PPP1R16B: variants seen among roughly 807,000 people sequenced by gnomAD.
PPP1R16B encodes protein phosphatase 1 regulatory inhibitor subunit 16B.
A neutral mutation model predicts 61.7 loss-of-function variants in PPP1R16B; 14 were observed. The observed-to-expected ratio is 0.23, with a 90% CI of 0.15 to 0.35. The LOEUF (loss-of-function observed/expected upper bound fraction) is 0.35, where lower values mean the gene tolerates loss of function less well. Among genes scored for constraint, PPP1R16B ranks in the 10% least tolerant of loss-of-function variants. The pLI is 1.00. For missense variants in PPP1R16B, 547 were observed against 752.5 expected (o/e 0.73, Z 3.19); for synonymous variants, 266 against 305.3 (o/e 0.87, Z 1.34).
chr20:38,857,551 CTAAT>C (rs1174612882), intron 2 of PPP1R16B, among the ~76,000 whole-genome samples: 1 of 152,102 alleles, frequency 6.6e-6, no homozygotes, highest in Non-Finnish European at 1.5e-5. Context: ...AGGTTAAGCA[CTAAT>C]TAATGGAAGG....
Position 38,874,532 on chromosome 20 carries a change from G to A in PPP1R16B, c.251-15063G>A, listed in dbSNP as rs767280382. 1.3e-4 allele frequency among the ~76,000 whole-genome samples: 20 copies of A among 152,194 alleles called. 1 individual carries two copies. The highest frequency in any genetic ancestry group is 2.5e-4 in the Non-Finnish European group (17 of 68,040). On this transcript the variant is annotated intron_variant, in intron 2 of 10. Coordinates refer to ENST00000299824, the MANE Select transcript of PPP1R16B (RefSeq NM_015568.4). ...CTGAATTCTGAACCACTACACGTGT[G>A]TCTTCATACCAGGTGCAATGCTTAG...
chr20:38,888,633 C>G (rs186165530), intron 2 of PPP1R16B, among the ~76,000 whole-genome samples: 147 of 152,180 alleles, frequency 9.7e-4, no homozygotes, highest in African/African-American at 3.4e-3. Flanking sequence ...ATCACCCTGC[C>G]AAAGCCAGAG....
At chr20:38,842,994 G>A (rs949621762) in intron 2 of PPP1R16B, among the ~76,000 whole-genome samples, 2 of 152,168 alleles carry the variant, frequency 1.3e-5, no homozygotes, top group Non-Finnish European at 2.9e-5. Flanking sequence ...GGAAACAAAT[G>A]GTGATTTTAT....
chr20:38,910,866 G>C (rs941442394), intron 10 of PPP1R16B, among the ~76,000 whole-genome samples: 1 of 151,938 alleles, frequency 6.6e-6, no homozygotes, highest in African/African-American at 2.4e-5. Context: ...ATGGTGGCAC[G>C]CGTCTGTAGT....
At chr20:38,858,740 G>C (rs1430530819) in intron 2 of PPP1R16B, among the ~76,000 whole-genome samples, 1 of 152,160 alleles carries the variant, frequency 6.6e-6, no homozygotes, top group Non-Finnish European at 1.5e-5. Flanking sequence ...AAGCAAGTAG[G>C]GATGTAGAAG....
At chr20:38,860,072 C>G (rs1365235311) in intron 2 of PPP1R16B, among the ~76,000 whole-genome samples, 1 of 152,198 alleles carries the variant, frequency 6.6e-6, no homozygotes, top group Non-Finnish European at 1.5e-5. Context: ...CTTCCGAGTT[C>G]AAGTGACTCT....
At chr20:38,833,988 T>C (rs977998536) in intron 1 of PPP1R16B, among the ~76,000 whole-genome samples, 1 of 152,176 alleles carries the variant, frequency 6.6e-6, no homozygotes, top group Non-Finnish European at 1.5e-5. Flanking sequence ...CAATACTCTT[T>C]GAGACAGTGG....
At chr20:38,847,069 G>A (rs2084940114) in intron 2 of PPP1R16B, among the ~76,000 whole-genome samples, 1 of 152,158 alleles carries the variant, frequency 6.6e-6, no homozygotes, top group Non-Finnish European at 1.5e-5. Flanking sequence ...TTACTAGGTA[G>A]ATTCCTAGAT....
At chr20:38,878,109 T>A (rs1210360925) in intron 2 of PPP1R16B, among the ~76,000 whole-genome samples, 1 of 152,184 alleles carries the variant, frequency 6.6e-6, no homozygotes. Context: ...TCTTTCATTT[T>A]GTGACTTTAA....
Position 38,889,617 on chromosome 20 carries a change from G to A in PPP1R16B, c.273G>A (p.Lys91=), listed in dbSNP as rs35388334. ...AEEVRYFLKN[K]VSPDLCNEDG... The stretch of plus-strand genomic sequence containing the variant: ...CAGTACGCTACTTCCTGAAGAATAA[G>A]GTCAGCCCTGATTTGTGCAATGAGG... The change falls in exon 3 of 11, where the codon AAG becomes AAA. Residue 91 remains lysine (K), a synonymous_variant. Transcript: ENST00000299824. 1.3e-3 allele frequency: 2,129 copies of A among 1,596,382 alleles called. 27 individuals carry two copies. Among genetic ancestry groups the A allele is most frequent in the South Asian group, 5.2e-3 (474 of 90,712 alleles).
intron 2 of PPP1R16B, among the ~76,000 whole-genome samples, chr20:38,869,620 G>A (rs1168115560): frequency 6.6e-6 from 1 of 152,164 alleles, no homozygotes; most frequent in African/African-American, 2.4e-5. Context: ...TAGTGGGTGT[G>A]AAGTATATTG....
intron 2 of PPP1R16B, among the ~76,000 whole-genome samples, chr20:38,884,013 G>C (rs1405608702): frequency 1.3e-5 from 2 of 152,214 alleles, no homozygotes; most frequent in Admixed American, 1.3e-4. Flanking sequence ...TTGGGGCTTT[G>C]TGGGCAAGAA....
chr20:38,833,877 C>G (rs1292130451), intron 1 of PPP1R16B, among the ~76,000 whole-genome samples: 1 of 152,238 alleles, frequency 6.6e-6, no homozygotes, highest in Non-Finnish European at 1.5e-5. Flanking sequence ...TTAGCCTGAG[C>G]CCTGCTCTTC....
chr20:38,827,115 A>G (rs776719710), intron 1 of PPP1R16B, among the ~76,000 whole-genome samples: 6 of 152,006 alleles, frequency 3.9e-5, no homozygotes, highest in Non-Finnish European at 8.8e-5. Context: ...ACACCTGGCT[A>G]ATTTTAATTT....
chr20:38,891,663 T>C (rs1427116673), intron 3 of PPP1R16B, among the ~76,000 whole-genome samples: 1 of 152,064 alleles, frequency 6.6e-6, no homozygotes, highest in African/African-American at 2.4e-5. Flanking sequence ...AGCTGGAATT[T>C]GGTGGTGAGT....
In PPP1R16B at chr20:38,918,837, A is replaced by G. The variant is rs2085566347; in HGVS notation, c.*171A>G. 2.5e-6 allele frequency: 2 copies of G among 793,104 alleles called. No individual in the cohort carries two copies. The highest frequency in any genetic ancestry group is 1.8e-5 in the African/African-American group (1 of 56,858). The allele number at this position is 793,104 out of a possible 1,614,324, so 49.1% of individuals were successfully genotyped here. A position where few individuals can be genotyped will look rare whatever the true frequency, so the allele number is the denominator to read the frequency against. Reference sequence around the variant, plus strand: ...GGCTGCCCATAGCATCCCATGTCCCACGTCCCGTGGTTCTGCTTCCTGCTG... The same window carrying G: ...GGCTGCCCATAGCATCCCATGTCCCGCGTCCCGTGGTTCTGCTTCCTGCTG... On this transcript the variant is annotated 3_prime_UTR_variant, in exon 11 of 11. Transcript: ENST00000299824. This position sits in a 1 kb window ranked among gnomAD's most constrained non-coding sequence, Gnocchi z 5.3.
intron 2 of PPP1R16B, among the ~76,000 whole-genome samples, chr20:38,846,155 C>T (rs1035046357): frequency 6.6e-6 from 1 of 152,162 alleles, no homozygotes; most frequent in Non-Finnish European, 1.5e-5. Context: ...TCCAAGTTGA[C>T]ATGTCCTTTT....
chr20:38,846,008 C>T (rs913771688), intron 2 of PPP1R16B, among the ~76,000 whole-genome samples: 1 of 152,134 alleles, frequency 6.6e-6, no homozygotes, highest in Non-Finnish European at 1.5e-5. Context: ...TGTCAAGTGA[C>T]AGAGGAGGGA....
chr20:38,836,474 C>G (rs1053845951), intron 2 of PPP1R16B, among the ~76,000 whole-genome samples: 2 of 152,160 alleles, frequency 1.3e-5, no homozygotes, highest in Admixed American at 6.5e-5. Context: ...ACCTCAGCTT[C>G]CCTAGTAGCT....
Sources: allele counts gnomAD v4.1 joint callset (sites outside exome capture counted in the v4.1 genomes callset), GRCh38; gene constraint gnomAD v4.1.1; non-coding constraint Gnocchi (gnomAD v3.1); transcripts MANE v1.5; gene names NCBI Gene and HGNC (gene_info 2026-07-23, HGNC 2026-07-21).